CRYBG1: variants seen among roughly 807,000 people sequenced by gnomAD.
The protein encoded by CRYBG1 is crystallin beta-gamma domain containing 1.
Under a neutral mutation model 189.2 loss-of-function variants are expected in CRYBG1, and 139 were observed. The observed-to-expected ratio is 0.73, with a 90% confidence interval of 0.64 to 0.85. The LOEUF is 0.85. CRYBG1 is among the 40% of genes least tolerant of loss of function. The pLI, the probability that CRYBG1 is intolerant of heterozygous loss-of-function variation, is 0.00. For missense variants in CRYBG1, 2,611 were observed against 2,675.8 expected, an observed-to-expected ratio of 0.98 and a Z score of 0.53; for synonymous variants, 1,023 against 1,017.1, an observed-to-expected ratio of 1.01 and a Z score of -0.11.
At chr6:106,368,557 A>C (rs964500861) in intron 1 of CRYBG1, among the ~76,000 whole-genome samples, 2 of 152,172 alleles carry the variant, frequency 1.3e-5, no homozygotes, top group Non-Finnish European at 2.9e-5. Context: ...TCATTAGCTC[A>C]TTTACAGTTG....
At chr6:106,473,235 A>G (rs1331156594) in intron 2 of CRYBG1, among the ~76,000 whole-genome samples, 1 of 152,160 alleles carries the variant, frequency 6.6e-6, no homozygotes, top group Non-Finnish European at 1.5e-5. Context: ...TAGAATATAA[A>G]CCACCACCCC....
At position 106,527,483 on chromosome 6, in the gene CRYBG1, A is replaced by G. The variant is rs528660812; in HGVS notation, c.4578+13A>G. The G allele has an allele frequency of 1.6e-4, 262 of 1,599,282 alleles. No individual in the cohort carries two copies. The highest frequency in any genetic ancestry group is 2.1e-4 in the Non-Finnish European group (250 of 1,174,210). On this transcript the variant is annotated intron_variant, in intron 7 of 21. Coordinates refer to ENST00000633556, the MANE Select transcript of CRYBG1 (RefSeq NM_001371242.2). ...ACATGTGGTTCAGGTAGGTTGTGGT[A>G]AATATGGATTTTATTTATTCAGCTA...
At chr6:106,480,753 C>T (rs940619660) in intron 2 of CRYBG1, among the ~76,000 whole-genome samples, 4 of 151,852 alleles carry the variant, frequency 2.6e-5, no homozygotes, top group African/African-American at 9.7e-5. Context: ...GGGTGGATCA[C>T]TTGAGGCCAG....
intron 1 of CRYBG1, among the ~76,000 whole-genome samples, chr6:106,368,540 A>G (rs1393525024): frequency 1.3e-5 from 2 of 152,178 alleles, no homozygotes; most frequent in East Asian, 1.9e-4. Flanking sequence ...CGAATTGCTT[A>G]TGAGTCTCAT....
intron 2 of CRYBG1, among the ~76,000 whole-genome samples, chr6:106,467,187 G>A (rs73511020): frequency 0.01 from 1,530 of 152,300 alleles, 28 homozygotes; most frequent in African/African-American, 0.036. Context: ...TCTTGGCTGA[G>A]CACGGTGGCT....
chr6:106,567,902 C>T (rs993975132), intron 21 of CRYBG1, among the ~76,000 whole-genome samples: 1 of 152,088 alleles, frequency 6.6e-6, no homozygotes, highest in Non-Finnish European at 1.5e-5. Flanking sequence ...CAACTGAGTC[C>T]CCAGTAGTGA....
chr6:106,513,091 G>C (rs750874654), intron 3 of CRYBG1, 52 bp downstream of exon 3: 2 of 1,553,544 alleles, frequency 1.3e-6, no homozygotes, highest in Admixed American at 3.7e-5. Context: ...ACGTGCTGGG[G>C]GTCCGCTCTG....
chr6:106,511,355 G>C (rs1773253082), intron 2 of CRYBG1, 75 bp from the exon 3 acceptor site: 1 of 1,300,512 alleles, frequency 7.7e-7, no homozygotes. Flanking sequence ...TTTGGCTGGT[G>C]GTTCTGTAAT....
At chr6:106,504,211 C>A (rs889709163) in intron 2 of CRYBG1, among the ~76,000 whole-genome samples, 7 of 152,056 alleles carry the variant, frequency 4.6e-5, no homozygotes, top group Non-Finnish European at 2.9e-5. Context: ...CATTCCACCC[C>A]GGGAGACTGG....
intron 2 of CRYBG1, among the ~76,000 whole-genome samples, chr6:106,460,857 G>T (rs1300304918): frequency 2.2e-4 from 34 of 152,162 alleles, no homozygotes; most frequent in Admixed American, 2.2e-3. Flanking sequence ...CTAGGTCTTG[G>T]CTCACTGTAA....
chr6:106,539,504 T>C lies in CRYBG1; in HGVS notation c.4820T>C (p.Ile1607Thr). The change falls in exon 9 of 22, where the codon ATT becomes ACT. Residue 1607 changes from isoleucine to threonine, a missense_variant. Physicochemically the swap from Ile to Thr is moderately conservative, Grantham distance 89. Around this residue, in one of 3 missense-constraint regions of CRYBG1, gnomAD observed 1,622 missense variants for 1,735.0 expected, o/e 0.93. Coordinates refer to ENST00000633556, the MANE Select transcript of CRYBG1 (RefSeq NM_001371242.2). ...LSFWDTEEAY[I>T]GSMRPLKMGG... ...TTCTGGGATACAGAAGAAGCGTACA[T>C]TGGATCCATGCGGCCTCTGAAAATG... 1.2e-6 allele frequency: 2 copies of C among 1,613,668 alleles called. No homozygotes were observed. Among genetic ancestry groups the C allele is most frequent in the East Asian group, 2.2e-5 (1 of 44,850 alleles).
In CRYBG1 at chr6:106,442,351, G is replaced by C. The variant is rs186948645; in HGVS notation, c.174-9343G>C. Among the ~76,000 whole-genome samples the C allele has an allele frequency of 4.3e-3, 658 of 152,218 alleles. 5 individuals carry two copies. Among genetic ancestry groups the C allele is most frequent in the Non-Finnish European group, 5.5e-3 (374 of 68,014 alleles). On this transcript the variant is annotated intron_variant, in intron 1 of 21. Coordinates refer to ENST00000633556, the MANE Select transcript of CRYBG1 (RefSeq NM_001371242.2). Reference sequence around the variant, plus strand: ...ACGAGTTTCGTGCCAGGTTGTTTAGGGACCCCAGAGTTTAAGAGACTCTTA... The same window carrying C: ...ACGAGTTTCGTGCCAGGTTGTTTAGCGACCCCAGAGTTTAAGAGACTCTTA...
At chr6:106,400,955 T>C (rs1000843390) in intron 1 of CRYBG1, among the ~76,000 whole-genome samples, 1 of 152,142 alleles carries the variant, frequency 6.6e-6, no homozygotes, top group Non-Finnish European at 1.5e-5. Context: ...TGCACGGGCT[T>C]TGGGGAGCCG....
intron 2 of CRYBG1, among the ~76,000 whole-genome samples, chr6:106,452,212 G>A (rs530512575): frequency 2.0e-4 from 28 of 140,362 alleles, no homozygotes; most frequent in Non-Finnish European, 4.1e-4. Context: ...TTTGAGACCA[G>A]CCTGACCAAC....
At chr6:106,517,327 T>TAC (rs1554188207) in intron 3 of CRYBG1, among the ~76,000 whole-genome samples, 1 of 117,038 alleles carries the variant, frequency 8.5e-6, no homozygotes, top group African/African-American at 3.3e-5. Context: ...CATATATATA[T>TAC]ACACATATAT....
intron 13 of CRYBG1, among the ~76,000 whole-genome samples, chr6:106,545,726 T>C (rs1774254312): frequency 6.6e-6 from 1 of 152,128 alleles, no homozygotes; most frequent in Non-Finnish European, 1.5e-5. Flanking sequence ...CCACCCAGGC[T>C]GGAGTGCAGT....
At chr6:106,365,698 C>G (rs1300261475) in intron 1 of CRYBG1, among the ~76,000 whole-genome samples, 1 of 118,192 alleles carries the variant, frequency 8.5e-6, no homozygotes, top group Admixed American at 8.7e-5. Flanking sequence ...TTAAAAAAAG[C>G]AGTGAATTAA....
At chr6:106,389,733 C>T (rs532134527) in intron 1 of CRYBG1, among the ~76,000 whole-genome samples, 12 of 151,946 alleles carry the variant, frequency 7.9e-5, no homozygotes, top group East Asian at 5.8e-4. Context: ...GAGTCTTTTT[C>T]GGTAGTTGCT....
chr6:106,484,389 GCTCAAGCAATCCTCCAGCCTCAGC>G (rs1772549823), intron 2 of CRYBG1, among the ~76,000 whole-genome samples: 2 of 152,064 alleles, frequency 1.3e-5, no homozygotes, highest in East Asian at 1.9e-4. Flanking sequence ...AAACTCTCAG[GCTCAAGCAATCCTCCAGCCTCAGC>G]CTCAAGCAAT....
Sources: allele counts gnomAD v4.1 joint callset (sites outside exome capture counted in the v4.1 genomes callset), GRCh38; gene constraint gnomAD v4.1.1; regional missense constraint gnomAD v4.1.1; transcripts MANE v1.5; gene names NCBI Gene and HGNC (gene_info 2026-07-23, HGNC 2026-07-21).